MTHFD2: variants seen among roughly 807,000 people sequenced by gnomAD.
MTHFD2 encodes bifunctional methylenetetrahydrofolate dehydrogenase/cyclohydrolase, mitochondrial.
Under a neutral mutation model 36.8 loss-of-function variants are expected in MTHFD2, and 26 were observed. The ratio of observed to expected loss-of-function variants is 0.71; its 90% CI spans 0.52 to 0.98. MTHFD2 has a LOEUF of 0.98. Among genes scored for constraint, MTHFD2 ranks in the 50% least tolerant of loss-of-function variants. The pLI, the probability that MTHFD2 is intolerant of heterozygous loss-of-function variation, is 0.00. For synonymous variants in MTHFD2, 164 were observed against 155.2 expected (o/e 1.06, Z -0.42); for missense variants, 373 against 434.0 (o/e 0.86, Z 1.25).
chr2:74,205,949 CA>C, intron 2 of MTHFD2, 60 bp downstream of exon 2: 1 of 1,514,388 alleles, frequency 6.6e-7, no homozygotes, highest in East Asian at 2.3e-5. Flanking sequence ...AGGCAAAGTC[CA>C]TTCTAATTTA....
chr2:74,198,911 G>A (rs1723285), intron 1 of MTHFD2, among the ~76,000 whole-genome samples, 169 bp downstream of exon 1: 49,591 of 151,996 alleles, frequency 0.33, 9,129 homozygotes, highest in Middle Eastern at 0.48. Context: ...GAGCGCCGCC[G>A]CAGCTCTCGA....
At chr2:74,213,257 CTTTTT>C (rs1438658553) in intron 7 of MTHFD2, among the ~76,000 whole-genome samples, 4 of 128,714 alleles carry the variant, frequency 3.1e-5, no homozygotes, top group Non-Finnish European at 6.6e-5. Flanking sequence ...GCTGATAATC[CTTTTT>C]TTCTTTCCTT....
At position 74,205,466 on chromosome 2, in the gene MTHFD2, T is replaced by G. The variant is rs534553935; in HGVS notation, c.102-239T>G. The stretch of plus-strand genomic sequence containing the variant: ...AAATTAATGATAATAATGATTTCTA[T>G]CAACTTTATCCCCCTCCATATGTAG... On this transcript the variant is annotated intron_variant, in intron 1 of 7. Coordinates refer to ENST00000394053, the MANE Select transcript of MTHFD2 (RefSeq NM_006636.4). Among the ~76,000 whole-genome samples the G allele has an allele frequency of 2.6e-5, 4 of 152,204 alleles. No homozygotes were observed. In the South Asian group the frequency reaches 8.3e-4, roughly 32 times the overall value.
At chr2:74,207,339 A>C (rs939806531) in intron 2 of MTHFD2, among the ~76,000 whole-genome samples, 1 of 151,414 alleles carries the variant, frequency 6.6e-6, no homozygotes, top group African/African-American at 2.4e-5. Flanking sequence ...CGTGTTAGCC[A>C]GGATGGTCTC....
intron 1 of MTHFD2, among the ~76,000 whole-genome samples, chr2:74,203,328 C>T (rs1166727430): frequency 2.0e-5 from 3 of 152,122 alleles, no homozygotes; most frequent in African/African-American, 2.4e-5. Flanking sequence ...TTTAATACTT[C>T]ACAAGATGCA....
At chr2:74,200,405 A>G (rs905175278) in intron 1 of MTHFD2, among the ~76,000 whole-genome samples, 1 of 152,142 alleles carries the variant, frequency 6.6e-6, no homozygotes, top group South Asian at 2.1e-4. Context: ...AGCAATCCAT[A>G]TTATCTGTAC....
rs1393176280 is a variant in MTHFD2, at chr2:74,210,123, G to A, written c.670+74G>A. 9 of 1,222,752 alleles carry A rather than the reference G, an allele frequency of 7.4e-6. No individual in the cohort carries two copies. The South Asian group carries it at 1.1e-4, about 15-fold the overall frequency. 75.7% of individuals were successfully genotyped at this position (1,222,752 alleles called of 1,614,324 possible). On this transcript the variant is annotated intron_variant, in intron 5 of 7. Transcript: ENST00000394053. ...AACTTTCAGAAGCCATCCTGTGCAT[G>A]TTTGGAAGTATTAACTCTGTTATAC... is the stretch of plus-strand genomic sequence containing the variant.
chr2:74,209,358 T>G (rs1694254672), intron 4 of MTHFD2, among the ~76,000 whole-genome samples: 1 of 152,024 alleles, frequency 6.6e-6, no homozygotes, highest in Non-Finnish European at 1.5e-5. Context: ...TTCTCCTGCC[T>G]CAGCCTCCTG....
intron 1 of MTHFD2, among the ~76,000 whole-genome samples, chr2:74,204,631 C>T (rs961915732): frequency 6.6e-6 from 1 of 152,168 alleles, no homozygotes; most frequent in African/African-American, 2.4e-5. Context: ...TTGCCCTTGG[C>T]GTCACATACT....
chr2:74,203,891 GTTTAGTTTAGTTTAGTTAGT>G (rs1226338892), intron 1 of MTHFD2, among the ~76,000 whole-genome samples: 588 of 29,540 alleles, frequency 0.02, 1 homozygote, highest in Admixed American at 0.044. Context: ...GTTTAGTTTA[GTTTAGTTTAGTTTAGTTAGT>G]TTAGTTTAGT....
intron 3 of MTHFD2, among the ~76,000 whole-genome samples, chr2:74,208,049 T>C (rs1371356923): frequency 1.3e-5 from 2 of 150,206 alleles, no homozygotes; most frequent in African/African-American, 2.4e-5. Context: ...GCTAGGACTA[T>C]AGGCATGTCC....
At position 74,214,134 on chromosome 2, in the gene MTHFD2, G is replaced by T. The variant is rs1281225122; in HGVS notation, c.945G>T (p.Met315Ile). Residue 315 changes from methionine to isoleucine, a missense_variant, in exon 8 of 8, where the codon ATG (methionine) becomes ATT (isoleucine). Around this residue, in one of 2 missense-constraint regions of MTHFD2, gnomAD observed 308 missense variants for 397.8 expected, o/e 0.77. Coordinates refer to ENST00000394053, the MANE Select transcript of MTHFD2 (RefSeq NM_006636.4). Reference sequence around the variant, plus strand: ...CAGTTCCTGGAGGTGTTGGCCCCATGACAGTGGCAATGCTAATGAAGAATA... The same window carrying T: ...CAGTTCCTGGAGGTGTTGGCCCCATTACAGTGGCAATGCTAATGAAGAATA... ...ITPVPGGVGP[M>I]TVAMLMKNTI... 2.5e-6 allele frequency: 4 copies of T among 1,614,150 alleles called. No individual in the cohort carries two copies. The highest frequency in any genetic ancestry group is 3.4e-6 in the Non-Finnish European group (4 of 1,179,986).
At chr2:74,199,571 G>T (rs1237573593) in intron 1 of MTHFD2, among the ~76,000 whole-genome samples, 2 of 152,176 alleles carry the variant, frequency 1.3e-5, no homozygotes, top group Non-Finnish European at 2.9e-5. Context: ...CTTAAAAATG[G>T]TTAAGATGGG....
chr2:74,208,180 C>CAGCTAATTTTTACATTT (rs1467202414), intron 3 of MTHFD2, among the ~76,000 whole-genome samples: 2 of 152,176 alleles, frequency 1.3e-5, no homozygotes, highest in African/African-American at 2.4e-5. Context: ...CTACCATGCC[C>CAGCTAATTTTTACATTT]TACCTAAAAT....
At chr2:74,206,424 TG>T (rs1694180847) in intron 2 of MTHFD2, 1 of 152,604 alleles carries the variant, frequency 6.6e-6, no homozygotes, top group African/African-American at 2.4e-5. Context: ...GTCTGGATGA[TG>T]GGGTTTGTGT....
intron 2 of MTHFD2, among the ~76,000 whole-genome samples, chr2:74,206,861 A>G (rs2103819700): frequency 6.6e-6 from 1 of 152,104 alleles, no homozygotes; most frequent in Admixed American, 6.5e-5. Context: ...GGCATGGGCC[A>G]CCATGCCTGG....
intron 4 of MTHFD2, among the ~76,000 whole-genome samples, chr2:74,209,148 G>C (rs1252338609): frequency 6.6e-6 from 1 of 152,168 alleles, no homozygotes; most frequent in African/African-American, 2.4e-5. Context: ...GGGATTATAG[G>C]CATGAGCCAT....
In MTHFD2 at chr2:74,215,441, GTA is replaced by G. The variant is rs1694418392; in HGVS notation, c.*1200_*1201del. On this transcript the variant is annotated 3_prime_UTR_variant, in exon 8 of 8. Transcript: ENST00000394053. The stretch of plus-strand genomic sequence containing the variant: ...TTCTTCTATTTTTTTTTTTTTTTTT[GTA>G]GAGATGGGGTCTTGCTATGTTGCCT... 2.7e-5 allele frequency: 1 copy of G among 37,052 alleles called. No homozygotes were observed. Among genetic ancestry groups the G allele is most frequent in the Non-Finnish European group, 5.2e-5 (1 of 19,052 alleles). 2.3% of individuals were successfully genotyped at this position (37,052 alleles called of 1,614,324 possible).
chr2:74,203,928 T>TAGTTTAGTTTAG (rs1463652033), intron 1 of MTHFD2, among the ~76,000 whole-genome samples: 2 of 145,812 alleles, frequency 1.4e-5, no homozygotes, highest in African/African-American at 5.1e-5. Context: ...TAGTTTAGTT[T>TAGTTTAGTTTAG]TTTGAGATGC....
Sources: gnomAD v4.1 joint callset for allele counts (sites outside exome capture counted in the v4.1 genomes callset) on GRCh38, gnomAD v4.1.1 for gene constraint, gnomAD v4.1.1 regional missense constraint, MANE v1.5 for transcripts, NCBI Gene and HGNC (gene_info 2026-07-23, HGNC 2026-07-21) for gene names.